NF1: variants seen among roughly 807,000 people sequenced by gnomAD.
NF1 encodes neurofibromin.
In NF1, 122 loss-of-function variants were observed where a neutral mutation model predicts 325.7. The observed-to-expected ratio is 0.37, with a 90% CI of 0.32 to 0.44. NF1 has a LOEUF of 0.44. NF1 is among the 20% of genes least tolerant of loss of function. The pLI is 1.00. For missense variants in NF1, 2,140 were observed against 3,415.4 expected, an observed-to-expected ratio of 0.63 and a Z score of 9.31; for synonymous variants, 1,091 against 1,186.0, an observed-to-expected ratio of 0.92 and a Z score of 1.65.
chr17:31,347,022 T>C (rs1402501205), intron 48 of NF1, among the ~76,000 whole-genome samples: 1 of 150,824 alleles, frequency 6.6e-6, no homozygotes, highest in Non-Finnish European at 1.5e-5. Flanking sequence ...CTTTCTTTTA[T>C]TGTGAAAAAA....
At chr17:31,149,811 A>T (rs1916808411) in intron 1 of NF1, among the ~76,000 whole-genome samples, 1 of 152,176 alleles carries the variant, frequency 6.6e-6, no homozygotes, top group Admixed American at 6.5e-5. Flanking sequence ...GAGCTTGAGG[A>T]GGGCACTGTG....
intron 36 of NF1, among the ~76,000 whole-genome samples, chr17:31,265,588 A>G (rs1043706979): frequency 2.6e-5 from 4 of 151,996 alleles, no homozygotes; most frequent in Non-Finnish European, 1.5e-5. Flanking sequence ...ACTGCCTGCA[A>G]TGGATTAATT....
At chr17:31,126,268 T>G (rs1204261732) in intron 1 of NF1, among the ~76,000 whole-genome samples, 4 of 152,252 alleles carry the variant, frequency 2.6e-5, no homozygotes, top group Non-Finnish European at 5.9e-5. Flanking sequence ...TTTCCTTGAC[T>G]ACCAATGAGG....
At chr17:31,229,602 A>T (rs1364010545) in intron 21 of NF1, 137 bp downstream of exon 21, 1 of 1,112,720 alleles carries the variant, frequency 9.0e-7, no homozygotes, top group Non-Finnish European at 1.3e-6. Flanking sequence ...AAGAAGAGTC[A>T]TCTCAATGTA....
chr17:31,325,398 T>C (rs1421826972), intron 36 of NF1, among the ~76,000 whole-genome samples: 1 of 152,238 alleles, frequency 6.6e-6, no homozygotes, highest in African/African-American at 2.4e-5. Flanking sequence ...TTGTCCTGGT[T>C]TGAATAATGT....
chr17:31,231,071 C>G, intron 24 of NF1, 146 bp downstream of exon 24: 1 of 659,302 alleles, frequency 1.5e-6, no homozygotes. Flanking sequence ...AGATGCTAAT[C>G]TTTATTACTG....
intron 1 of NF1, among the ~76,000 whole-genome samples, chr17:31,145,810 G>A (rs1916548496): frequency 6.6e-6 from 1 of 152,164 alleles, no homozygotes; most frequent in African/African-American, 2.4e-5. Context: ...AAGATTCTCA[G>A]ATGTCCGACA....
rs1597866857 is a variant in NF1 at position 31,357,298 on chromosome 17, G to C, written c.7899G>C (p.Glu2633Asp). Residue 2633 changes from glutamate to aspartate, a missense_variant, in exon 54 of 58, where the codon GAG (glutamate) becomes GAC (aspartate). Glu to Asp is a conservative substitution (Grantham distance 45). This residue lies in a region of NF1 where 522 missense variants were observed against 749.0 expected (regional missense o/e 0.70). Coordinates refer to ENST00000358273, the MANE Select transcript of NF1 (RefSeq NM_001042492.3). ...CACTGGTAAAATATACCACAGATGA[G>C]TTTGATCAACGAATTCTTTATGAAT... is the stretch of plus-strand genomic sequence containing the variant. ...LATLVKYTTD[E>D]FDQRILYEYL... 1 of 1,614,022 alleles carries C rather than the reference G, an allele frequency of 6.2e-7. No individual in the cohort carries two copies. Among genetic ancestry groups the C allele is most frequent in the South Asian group, 1.1e-5 (1 of 91,080 alleles).
At chr17:31,099,716 C>A (rs1036975579) in intron 1 of NF1, among the ~76,000 whole-genome samples, 2 of 152,008 alleles carry the variant, frequency 1.3e-5, no homozygotes, top group Non-Finnish European at 2.9e-5. Flanking sequence ...CCCACCACCA[C>A]GCCTGCCTAA....
At chr17:31,305,301 G>A in intron 36 of NF1, 2 of 1,614,136 alleles carry the variant, frequency 1.2e-6, no homozygotes, top group Non-Finnish European at 1.7e-6. Context: ...TGGTGTTGTA[G>A]GCAAGTGGTT....
intron 30 of NF1, chr17:31,251,198 C>G (rs979964948): frequency 9.3e-5 from 19 of 203,256 alleles, no homozygotes; most frequent in South Asian, 1.9e-4. Flanking sequence ...CTTTTTCTTG[C>G]CCCTTTGCCT....
chr17:31,186,445 G>A (rs555970248), intron 8 of NF1, among the ~76,000 whole-genome samples: 36 of 152,344 alleles, frequency 2.4e-4, no homozygotes, highest in African/African-American at 7.7e-4. Context: ...AGCAGTGCAC[G>A]TGGTTGTGTA....
chr17:31,306,102 C>T (rs2068713773), intron 36 of NF1, among the ~76,000 whole-genome samples: 1 of 152,030 alleles, frequency 6.6e-6, no homozygotes, highest in Non-Finnish European at 1.5e-5. Context: ...TTCTTCTCTC[C>T]CCTCCCCTCC....
chr17:31,332,008 A>G (rs1473328284), intron 39 of NF1: 1 of 149,120 alleles, frequency 6.7e-6, no homozygotes, highest in Non-Finnish European at 1.5e-5. Context: ...TGCTTTCTAG[A>G]TGAGTAAGGA....
chr17:31,221,478 T>TGA, intron 14 of NF1, among the ~76,000 whole-genome samples: 1 of 152,290 alleles, frequency 6.6e-6, no homozygotes, highest in East Asian at 1.9e-4. Flanking sequence ...GTATTAATTT[T>TGA]GGCAAGCCTT....
rs17883578 is a variant in NF1 at position 31,249,212 on chromosome 17, G to C, written c.4110+93G>C. ...AAGGATCTAGCTGCTGATGGTGTGT[G>C]GTTAACTATAATACTGAGTCAGTTT... On this transcript the variant is annotated intron_variant, in intron 30 of 57. Coordinates refer to ENST00000358273, the MANE Select transcript of NF1 (RefSeq NM_001042492.3). 2.0e-3 allele frequency: 2,751 copies of C among 1,388,344 alleles called. 44 individuals are homozygous for C. The African/African-American group carries it at 0.033, about 16-fold the overall frequency. The allele number at this position is 1,388,344 out of a possible 1,614,324, so 86.0% of individuals were successfully genotyped here.
At chr17:31,263,600 A>C (rs2067732609) in intron 35 of NF1, among the ~76,000 whole-genome samples, 1 of 151,336 alleles carries the variant, frequency 6.6e-6, no homozygotes, top group Non-Finnish European at 1.5e-5. Context: ...CTTTTTTCTG[A>C]GATCCTACCT....
chr17:31,271,658 G>A (rs994866648), intron 36 of NF1, among the ~76,000 whole-genome samples: 1 of 152,140 alleles, frequency 6.6e-6, no homozygotes, highest in Admixed American at 6.5e-5. Flanking sequence ...GCTGAGGCAG[G>A]AGAATTGCTT....
At chr17:31,257,523 A>G (rs2067603341) in intron 31 of NF1, among the ~76,000 whole-genome samples, 2 of 152,184 alleles carry the variant, frequency 1.3e-5, no homozygotes, top group East Asian at 3.8e-4. Context: ...TTAATGTAGA[A>G]TGTTTTATAA....
Sources: gnomAD v4.1 joint callset for allele counts (sites outside exome capture counted in the v4.1 genomes callset) on GRCh38, gnomAD v4.1.1 for gene constraint, gnomAD v4.1.1 regional missense constraint, MANE v1.5 for transcripts, NCBI Gene and HGNC (gene_info 2026-07-23, HGNC 2026-07-21) for gene names.